LZTS1: variants seen among roughly 807,000 people sequenced by gnomAD.
The protein encoded by LZTS1 is leucine zipper putative tumor suppressor 1.
A neutral mutation model predicts 45.8 loss-of-function variants in LZTS1; 31 were observed. The ratio of observed to expected loss-of-function variants is 0.68; its 90% confidence interval spans 0.51 to 0.91. The LOEUF (loss-of-function observed/expected upper bound fraction) is 0.91. Ranked by LOEUF, LZTS1 falls within the 40% of genes least tolerant of loss-of-function variation. The pLI is 0.00. For synonymous variants in LZTS1, 359 were observed against 357.3 expected, an observed-to-expected ratio of 1.00 and a Z score of -0.05; for missense variants, 821 against 788.9, an observed-to-expected ratio of 1.04 and a Z score of -0.49.
rs999481559 is a variant in LZTS1 at position 20,253,113 on chromosome 8, C to G, written c.818G>C (p.Arg273Thr). 6 of 1,611,550 alleles carry G rather than the reference C, an allele frequency of 3.7e-6. No homozygotes were observed. In the African/African-American group the frequency reaches 4.0e-5, roughly 11 times the overall value. The change falls in exon 3 of 4, where the codon AGG (arginine) becomes ACG (threonine). Residue 273 changes from arginine to threonine, a missense_variant. Coordinates refer to ENST00000381569, the MANE Select transcript of LZTS1 (RefSeq NM_021020.5). ...IQELEQKLLE[R>T]EGALQKLQRS... is the part of the protein sequence containing the mutation. ...CTGCAGCTTCTGGAGGGCGCCCTCCCTCTCCAACAGCTTCTGCTCCAGCTC... is the reference window on the plus strand; with the variant it reads ...CTGCAGCTTCTGGAGGGCGCCCTCCGTCTCCAACAGCTTCTGCTCCAGCTC...
chr8:20,261,470 C>T (rs1000498502), intron 1 of LZTS1, among the ~76,000 whole-genome samples: 6 of 152,084 alleles, frequency 3.9e-5, no homozygotes, highest in Non-Finnish European at 8.8e-5. Flanking sequence ...GGGAGGGGCC[C>T]GGGATATTGC....
At chr8:20,263,205 G>C (rs559779437) in intron 1 of LZTS1, among the ~76,000 whole-genome samples, 1 of 152,126 alleles carries the variant, frequency 6.6e-6, no homozygotes, top group South Asian at 2.1e-4. Context: ...CCTACCCCAC[G>C]ACCGCCTTGA....
intron 1 of LZTS1, among the ~76,000 whole-genome samples, chr8:20,262,603 G>A (rs1052040618): frequency 2.0e-5 from 3 of 152,226 alleles, no homozygotes; most frequent in Non-Finnish European, 2.9e-5. Context: ...GGAACAGCAT[G>A]TGCAAAGAAA....
chr8:20,263,404 C>G (rs547196738), intron 1 of LZTS1, among the ~76,000 whole-genome samples: 2 of 152,066 alleles, frequency 1.3e-5, no homozygotes, highest in South Asian at 2.1e-4. Context: ...GAAAAACGCA[C>G]CCTCCTCCAA....
intron 1 of LZTS1, among the ~76,000 whole-genome samples, chr8:20,279,681 C>CAAAA (rs34501896): frequency 0.041 from 2,883 of 70,470 alleles, 151 homozygotes; most frequent in African/African-American, 0.075. Flanking sequence ...GACCCTGTCT[C>CAAAA]AAAAAAAAAA....
At chr8:20,258,138 G>T (rs1331450152) in intron 1 of LZTS1, among the ~76,000 whole-genome samples, 2 of 152,192 alleles carry the variant, frequency 1.3e-5, no homozygotes, top group Non-Finnish European at 2.9e-5. Context: ...GCTAGGAAAG[G>T]TTGGTGATTG....
chr8:20,276,958 A>G (rs1800597273), intron 1 of LZTS1, among the ~76,000 whole-genome samples: 1 of 152,206 alleles, frequency 6.6e-6, no homozygotes, highest in South Asian at 2.1e-4. Context: ...AGGCATTTGA[A>G]CCAGAGCAAC....
At chr8:20,268,071 A>C (rs185836979) in intron 1 of LZTS1, among the ~76,000 whole-genome samples, 5 of 152,322 alleles carry the variant, frequency 3.3e-5, no homozygotes, top group Admixed American at 2.6e-4. Context: ...AGTGCATGTG[A>C]AATTATAGAG....
rs1449885378 is a variant in LZTS1, at chr8:20,251,148, T to A, written c.1150-785A>T. On this transcript the variant is annotated intron_variant, in intron 3 of 3. Coordinates refer to ENST00000381569, the MANE Select transcript of LZTS1 (RefSeq NM_021020.5). ...ATATATATATATATATATATATATA[T>A]AAAATATAAAGTATAAGAGTAGAGA... 1.7e-4 allele frequency among the ~76,000 whole-genome samples: 17 copies of A among 101,450 alleles called. 1 individual carries two copies. Among genetic ancestry groups the A allele is most frequent in the East Asian group, 5.3e-4 (2 of 3,750 alleles). The allele number at this position is 101,450 out of a possible 152,430, so 66.6% of individuals were successfully genotyped here. A position where few individuals can be genotyped will look rare whatever the true frequency, so the allele number is the denominator to read the frequency against.
At chr8:20,291,269 A>T (rs1339686839) in intron 1 of LZTS1, among the ~76,000 whole-genome samples, 1 of 152,162 alleles carries the variant, frequency 6.6e-6, no homozygotes, top group African/African-American at 2.4e-5. Flanking sequence ...GAGGGTAAGG[A>T]GGTAGCTCCG....
intron 1 of LZTS1, among the ~76,000 whole-genome samples, chr8:20,296,792 C>G (rs77837030): frequency 0.027 from 4,087 of 152,308 alleles, 93 homozygotes; most frequent in South Asian, 0.088. Flanking sequence ...CAATGATTAA[C>G]TGACATGAAG....
At chr8:20,302,627 G>A (rs1487425483) in intron 1 of LZTS1, among the ~76,000 whole-genome samples, 1 of 152,178 alleles carries the variant, frequency 6.6e-6, no homozygotes, top group African/African-American at 2.4e-5. Flanking sequence ...TCCTTATTAG[G>A]AGCAGCGCCT....
intron 1 of LZTS1, among the ~76,000 whole-genome samples, chr8:20,260,141 A>G (rs1274042553): frequency 6.6e-6 from 1 of 152,128 alleles, no homozygotes; most frequent in East Asian, 1.9e-4. Flanking sequence ...ACCTCAAGCT[A>G]TCCTCCCACC....
In LZTS1 at chr8:20,249,662, G is replaced by C; in HGVS notation, c.*60C>G. 6.5e-7 allele frequency: 1 copy of C among 1,542,818 alleles called. No individual in the cohort carries two copies. The highest frequency in any genetic ancestry group is 8.7e-7 in the Non-Finnish European group (1 of 1,147,530). On this transcript the variant is annotated 3_prime_UTR_variant, in exon 4 of 4. Coordinates refer to ENST00000381569, the MANE Select transcript of LZTS1 (RefSeq NM_021020.5). ...GTCTGAATTGCTGAGCAGGGGGGAT[G>C]CACGGGAGAGCCCTGCCTCCCAGTG... is the stretch of plus-strand genomic sequence containing the variant.
intron 1 of LZTS1, among the ~76,000 whole-genome samples, chr8:20,269,717 G>A (rs1163085635): frequency 6.6e-6 from 1 of 152,180 alleles, no homozygotes; most frequent in Non-Finnish European, 1.5e-5. Flanking sequence ...TTAGCCTTTG[G>A]CAAATCCGAC....
At chr8:20,284,268 T>C (rs2128897814) in intron 1 of LZTS1, among the ~76,000 whole-genome samples, 1 of 152,304 alleles carries the variant, frequency 6.6e-6, no homozygotes, top group African/African-American at 2.4e-5. Context: ...CAGCCTCATG[T>C]TGAAGAAGCA....
chr8:20,281,533 T>C (rs1800693352), intron 1 of LZTS1, among the ~76,000 whole-genome samples: 1 of 152,150 alleles, frequency 6.6e-6, no homozygotes, highest in South Asian at 2.1e-4. Flanking sequence ...ATCGCACCAT[T>C]GCACTCCAGC....
chr8:20,283,901 G>A (rs1800741086), intron 1 of LZTS1, among the ~76,000 whole-genome samples: 1 of 152,130 alleles, frequency 6.6e-6, no homozygotes, highest in Admixed American at 6.5e-5. Flanking sequence ...TCAGGCCTAG[G>A]ATCAATGGAA....
intron 1 of LZTS1, among the ~76,000 whole-genome samples, chr8:20,297,516 G>C (rs1800996521): frequency 6.6e-6 from 1 of 152,168 alleles, no homozygotes; most frequent in African/African-American, 2.4e-5. Context: ...CCGGGTTCAA[G>C]CAATTCTCCC....
Sources: allele counts gnomAD v4.1 joint callset (sites outside exome capture counted in the v4.1 genomes callset), GRCh38; gene constraint gnomAD v4.1.1; transcripts MANE v1.5; gene names NCBI Gene and HGNC (gene_info 2026-07-23, HGNC 2026-07-21).